The following PKNOX1 variants were observed in gnomAD, a reference collection of about 807,000 sequenced individuals.
PKNOX1 encodes homeobox protein PKNOX1.
PKNOX1 carries 15 observed loss-of-function variants against 51.9 expected under a neutral mutation model. The observed-to-expected ratio is 0.29, with a 90% CI of 0.19 to 0.45. The LOEUF (loss-of-function observed/expected upper bound fraction) is 0.45. Among genes scored for constraint, PKNOX1 ranks in the 20% least tolerant of loss-of-function variants. The pLI is 1.00. For missense variants in PKNOX1, 462 were observed against 547.5 expected, an observed-to-expected ratio of 0.84 and a Z score of 1.56; for synonymous variants, 219 against 211.1, an observed-to-expected ratio of 1.04 and a Z score of -0.32.
At chr21:42,989,219 T>C (rs866659924) in intron 1 of PKNOX1, among the ~76,000 whole-genome samples, 1 of 151,994 alleles carries the variant, frequency 6.6e-6, no homozygotes, top group South Asian at 2.1e-4. Context: ...ACTCAAGCAA[T>C]ATTCCCGCCT....
chr21:43,025,069 C>T (rs1382625566), intron 9 of PKNOX1, 122 bp downstream of exon 9: 2 of 669,166 alleles, frequency 3.0e-6, no homozygotes. Context: ...TTTTTCCCAA[C>T]TGAGACGGGG....
At chr21:42,996,339 A>T (rs555218224) in intron 1 of PKNOX1, among the ~76,000 whole-genome samples, 15 of 152,126 alleles carry the variant, frequency 9.9e-5, no homozygotes, top group Non-Finnish European at 1.9e-4. Context: ...AACTAAGAGG[A>T]AACATCAGGG....
rs1980359507 is a variant in PKNOX1, at chr21:43,033,303, T to C, written c.*3202T>C. ...GTCTGTGTGACCTGAGAGTGATCCA[T>C]CTCCTGCCTGTGTGAGGTAGCAGTG... is the stretch of plus-strand genomic sequence containing the variant. On this transcript the variant is annotated 3_prime_UTR_variant, in exon 11 of 11. Coordinates refer to ENST00000291547, the MANE Select transcript of PKNOX1 (RefSeq NM_004571.5). 6.6e-6 allele frequency: 1 copy of C among 152,500 alleles called. No homozygotes were observed. The highest frequency in any genetic ancestry group is 2.4e-5 in the African/African-American group (1 of 41,444). The allele number at this position is 152,500 out of a possible 1,614,324, so 9.4% of individuals were successfully genotyped here.
At chr21:42,986,204 T>C (rs2059051895) in intron 1 of PKNOX1, among the ~76,000 whole-genome samples, 1 of 151,968 alleles carries the variant, frequency 6.6e-6, no homozygotes, top group Non-Finnish European at 1.5e-5. Context: ...CAAACCTTGT[T>C]TGAAAAATAA....
rs557919521 is a variant in PKNOX1 at position 43,007,548 on chromosome 21, G to T, written c.109G>T (p.Ala37Ser). The change falls in exon 3 of 11, where the codon GCA becomes TCA. Residue 37 changes from alanine to serine, a missense_variant. Physicochemically the swap from Ala to Ser is moderately conservative, Grantham distance 99 (BLOSUM62 1). Around this residue, in one of 5 missense-constraint regions of PKNOX1, gnomAD observed 129 missense variants for 133.4 expected, o/e 0.97. Transcript: ENST00000291547. ...EQDPNCSEPD[A>S]EGVSPPPVES... is the part of the protein sequence containing the mutation. ...AGATCCAAACTGCTCTGAACCCGAT[G>T]CAGAAGGAGTGAGCCCTCCCCCTGT... 6.2e-7 allele frequency: 1 copy of T among 1,614,032 alleles called. No individual in the cohort carries two copies. Among genetic ancestry groups the T allele is most frequent in the Admixed American group, 1.7e-5 (1 of 60,026 alleles).
intron 1 of PKNOX1, among the ~76,000 whole-genome samples, chr21:42,993,534 T>A (rs1450704057): frequency 6.6e-6 from 1 of 152,022 alleles, no homozygotes; most frequent in Admixed American, 6.6e-5. Flanking sequence ...TTTTTTTTTT[T>A]TCACAATTCT....
At position 43,004,309 on chromosome 21, in the gene PKNOX1, C is replaced by A; in HGVS notation, c.-56-17C>A. Reference sequence around the variant, plus strand: ...TCTACAACTATTAACTGATGCTTTTCTGGTTTTGTTCTCCAGACACCATTC... The same window carrying A: ...TCTACAACTATTAACTGATGCTTTTATGGTTTTGTTCTCCAGACACCATTC... On this transcript the variant is annotated splice_polypyrimidine_tract_variant and intron_variant, in intron 1 of 10. Coordinates refer to ENST00000291547, the MANE Select transcript of PKNOX1 (RefSeq NM_004571.5). The A allele has an allele frequency of 1.0e-6, 1 of 989,870 alleles. No individual in the cohort carries two copies. The highest frequency in any genetic ancestry group is 1.6e-6 in the Non-Finnish European group (1 of 616,996). 61.3% of individuals were successfully genotyped at this position (989,870 alleles called of 1,614,324 possible).
intron 1 of PKNOX1, among the ~76,000 whole-genome samples, chr21:42,987,398 A>ATAT (rs1555858083): frequency 1.1e-4 from 10 of 91,836 alleles, no homozygotes; most frequent in African/African-American, 4.9e-4. Context: ...AAAAAAAAAA[A>ATAT]AAAAAAATAT....
chr21:42,994,714 T>A (rs1978413816), intron 1 of PKNOX1, among the ~76,000 whole-genome samples: 1 of 152,060 alleles, frequency 6.6e-6, no homozygotes, highest in Non-Finnish European at 1.5e-5. Context: ...ATTGAGCACG[T>A]ACTTCTCAAA....
chr21:43,004,743 A>C (rs1163872660), intron 2 of PKNOX1, among the ~76,000 whole-genome samples: 4 of 152,172 alleles, frequency 2.6e-5, no homozygotes, highest in Non-Finnish European at 4.4e-5. Flanking sequence ...TTTCATGATG[A>C]CAGATTCCCA....
At chr21:42,995,927 A>T (rs1304955860) in intron 1 of PKNOX1, among the ~76,000 whole-genome samples, 1 of 152,038 alleles carries the variant, frequency 6.6e-6, no homozygotes, top group Admixed American at 6.6e-5. Flanking sequence ...TTTAAAGAAA[A>T]ACTTATTCTG....
intron 1 of PKNOX1, among the ~76,000 whole-genome samples, chr21:42,980,096 G>A (rs2059019142): frequency 6.6e-6 from 1 of 152,200 alleles, no homozygotes; most frequent in African/African-American, 2.4e-5. Context: ...TGTGAGGCCA[G>A]GTGCGGTGGC....
intron 1 of PKNOX1, among the ~76,000 whole-genome samples, chr21:42,985,626 C>T (rs749359003): frequency 2.5e-4 from 38 of 152,106 alleles, no homozygotes; most frequent in Non-Finnish European, 4.6e-4. Flanking sequence ...TGAGCCACCA[C>T]GTCCGGCCAG....
At position 43,004,381 on chromosome 21, in the gene PKNOX1, C is replaced by T; in HGVS notation, c.-1C>T. 1 of 1,602,234 alleles carries T rather than the reference C, an allele frequency of 6.2e-7. No homozygotes were observed. Among genetic ancestry groups the T allele is most frequent in the Non-Finnish European group, 8.6e-7 (1 of 1,169,386 alleles). ...GATGTCTTATAAAACTCTGATGAAC[C>T]ATGATGGCTACACAGACATTAAGTA... is the stretch of plus-strand genomic sequence containing the variant. On this transcript the variant is annotated 5_prime_UTR_variant, in exon 2 of 11. Transcript: ENST00000291547.
At chr21:42,996,168 C>T (rs1173787007) in intron 1 of PKNOX1, among the ~76,000 whole-genome samples, 3 of 152,136 alleles carry the variant, frequency 2.0e-5, no homozygotes, top group Non-Finnish European at 4.4e-5. Flanking sequence ...GATTGCACCA[C>T]TGTACTCCAG....
chr21:43,015,992 A>C (rs530413855), intron 5 of PKNOX1, among the ~76,000 whole-genome samples: 1 of 152,236 alleles, frequency 6.6e-6, no homozygotes, highest in South Asian at 2.1e-4. Flanking sequence ...CTAAGATCTT[A>C]AGGTGGAAGC....
rs2146301063 is a variant in PKNOX1 at position 43,030,282 on chromosome 21, TGTGTGTGTGTGC to T, written c.*189_*200del. 2 of 409,188 alleles carry T rather than the reference TGTGTGTGTGTGC, an allele frequency of 4.9e-6. No individual in the cohort carries two copies. The highest frequency in any genetic ancestry group is 9.9e-5 in the South Asian group (2 of 20,124). The allele number at this position is 409,188 out of a possible 1,614,324, so 25.3% of individuals were successfully genotyped here. A position where few individuals can be genotyped will look rare whatever the true frequency, so the allele number is the denominator to read the frequency against. On this transcript the variant is annotated 3_prime_UTR_variant, in exon 11 of 11. Coordinates refer to ENST00000291547, the MANE Select transcript of PKNOX1 (RefSeq NM_004571.5). The stretch of plus-strand genomic sequence containing the variant: ...TCAAGTGTGTGTGTGTGTGTGTGTG[TGTGTGTGTGTGC>T]GTGTGTGCGTGTGTGTGGATTTTTA...
chr21:42,999,107 G>T (rs1040005533), intron 1 of PKNOX1, among the ~76,000 whole-genome samples: 1 of 152,248 alleles, frequency 6.6e-6, no homozygotes, highest in Non-Finnish European at 1.5e-5. Flanking sequence ...CTAGGCGGAG[G>T]TTCCCAAACC....
intron 5 of PKNOX1, among the ~76,000 whole-genome samples, chr21:43,015,817 AT>A (rs71332387): frequency 1.4e-4 from 21 of 145,722 alleles, no homozygotes; most frequent in Admixed American, 1.4e-4. Context: ...TTGTGTCTCT[AT>A]TTTTTTTTTA....
Sources: gnomAD v4.1 joint callset for allele counts (sites outside exome capture counted in the v4.1 genomes callset) on GRCh38, gnomAD v4.1.1 for gene constraint, gnomAD v4.1.1 regional missense constraint, MANE v1.5 for transcripts, NCBI Gene and HGNC (gene_info 2026-07-23, HGNC 2026-07-21) for gene names.